YTHDC2: variants seen among roughly 807,000 people sequenced by gnomAD.
The protein encoded by YTHDC2 is YTH N6-methyladenosine RNA binding protein C2, also known as 3'-5' RNA helicase YTHDC2.
A neutral mutation model predicts 174.9 loss-of-function variants in YTHDC2; 45 were observed. The ratio of observed to expected loss-of-function variants is 0.26; its 90% CI spans 0.20 to 0.33. YTHDC2 has a LOEUF of 0.33. Among genes scored for constraint, YTHDC2 ranks in the 10% least tolerant of loss-of-function variants. The probability of loss-of-function intolerance (pLI) is 1.00; values close to 1 mark genes in which losing one functional copy is unlikely to be tolerated. For synonymous variants in YTHDC2, 657 were observed against 574.5 expected (o/e 1.14, Z -2.05); for missense variants, 1,650 against 1,723.7 (o/e 0.96, Z 0.76).
Position 113,591,843 on chromosome 5 carries a change from T to C in YTHDC2, c.4030-153T>C, listed in dbSNP as rs188150696. 5.1e-4 allele frequency among the ~76,000 whole-genome samples: 78 copies of C among 152,286 alleles called. 1 individual carries two copies. The East Asian group carries it at 6.2e-3, about 12-fold the overall frequency. ...CTAAGAGAGCTTTTAATGAAAAATTTAGTAGCTTATTTTTTGTTTTTGTTA... is the reference window on the plus strand; with the variant it reads ...CTAAGAGAGCTTTTAATGAAAAATTCAGTAGCTTATTTTTTGTTTTTGTTA... On this transcript the variant is annotated intron_variant, in intron 27 of 29. Coordinates refer to ENST00000161863, the MANE Select transcript of YTHDC2 (RefSeq NM_022828.5).
chr5:113,576,733 AC>A (rs1386189003), intron 23 of YTHDC2, among the ~76,000 whole-genome samples: 1 of 152,032 alleles, frequency 6.6e-6, no homozygotes, highest in African/African-American at 2.4e-5. Flanking sequence ...TTATTTGGGT[AC>A]TGATATTTTA....
intron 2 of YTHDC2, among the ~76,000 whole-genome samples, chr5:113,519,435 C>A (rs1243553547): frequency 6.6e-6 from 1 of 152,080 alleles, no homozygotes; most frequent in Admixed American, 6.5e-5. Context: ...AAAACAAAAT[C>A]CCATCTCGAT....
chr5:113,561,964 GTGTGTGTGTGTGTGTGT>G (rs1777016775), intron 18 of YTHDC2, among the ~76,000 whole-genome samples: 34 of 90,142 alleles, frequency 3.8e-4, no homozygotes, highest in African/African-American at 1.5e-3. Flanking sequence ...GTGGGTGTGT[GTGTGTGTGTGTGTGTGT>G]GTGTGTGTGT....
chr5:113,517,214 G>A (rs544929019), intron 2 of YTHDC2, among the ~76,000 whole-genome samples: 2 of 152,242 alleles, frequency 1.3e-5, no homozygotes, highest in African/African-American at 4.8e-5. Flanking sequence ...CCTCATGTCA[G>A]TTTAATCACG....
At chr5:113,530,671 T>TA (rs1352624103) in intron 4 of YTHDC2, among the ~76,000 whole-genome samples, 2 of 152,220 alleles carry the variant, frequency 1.3e-5, no homozygotes, top group Non-Finnish European at 2.9e-5. Context: ...TTGTTGCTAT[T>TA]ACTATTTTGA....
At position 113,561,418 on chromosome 5, in the gene YTHDC2, T is replaced by G. The variant is rs1214918340; in HGVS notation, c.2322+233T>G. Among the ~76,000 whole-genome samples, 5 of 151,856 alleles carry G rather than the reference T, an allele frequency of 3.3e-5. 1 individual carries two copies. In the South Asian group the frequency reaches 1.0e-3, roughly 31 times the overall value. Reference sequence around the variant, plus strand: ...TTGAATATTTAAATTATGGTACAGTTTTAAAGGATATATATATATTTTTTA... The same window carrying G: ...TTGAATATTTAAATTATGGTACAGTGTTAAAGGATATATATATATTTTTTA... On this transcript the variant is annotated intron_variant, in intron 18 of 29. Coordinates refer to ENST00000161863, the MANE Select transcript of YTHDC2 (RefSeq NM_022828.5).
chr5:113,576,691 T>G (rs1286074761), intron 23 of YTHDC2, among the ~76,000 whole-genome samples: 1 of 152,190 alleles, frequency 6.6e-6, no homozygotes, highest in Non-Finnish European at 1.5e-5. Context: ...TATTGCCCTT[T>G]AGTTGAGTTG....
At chr5:113,532,826 T>A in intron 4 of YTHDC2, 53 bp from the exon 5 acceptor site, 1 of 1,505,466 alleles carries the variant, frequency 6.6e-7, no homozygotes, top group South Asian at 1.3e-5. Context: ...TCACTTAGAT[T>A]TTTTGTATTA....
intron 18 of YTHDC2, 39 bp downstream of exon 18, chr5:113,561,224 T>G (rs749221719): frequency 2.0e-6 from 3 of 1,489,964 alleles, no homozygotes; most frequent in Non-Finnish European, 9.2e-7. Context: ...TTTTTTTGGG[T>G]GAGGGAAGTG....
chr5:113,515,149 C>T, intron 1 of YTHDC2, 123 bp from the exon 2 acceptor site: 4 of 546,828 alleles, frequency 7.3e-6, no homozygotes, highest in South Asian at 3.5e-5. Flanking sequence ...TAAAGTTAAC[C>T]TCAAATAAAG....
At chr5:113,530,263 C>A (rs748583412) in intron 4 of YTHDC2, among the ~76,000 whole-genome samples, 9 of 152,094 alleles carry the variant, frequency 5.9e-5, no homozygotes, top group Non-Finnish European at 1.2e-4. Flanking sequence ...CCCGACCTCC[C>A]CTACCCAATT....
chr5:113,592,247 T>C (rs777139721), intron 28 of YTHDC2, 69 bp downstream of exon 28: 19 of 1,423,932 alleles, frequency 1.3e-5, no homozygotes, highest in Non-Finnish European at 1.7e-5. Context: ...AGTGCTTTAA[T>C]TGAGGAGAAA....
At chr5:113,535,608 A>T (rs1410596591) in intron 6 of YTHDC2, 34 bp from the exon 7 acceptor site, 3 of 1,547,920 alleles carry the variant, frequency 1.9e-6, no homozygotes, top group Non-Finnish European at 1.7e-6. Context: ...ATAATGTTTT[A>T]ACTGTTCCAT....
chr5:113,521,847 A>G (rs1029884077), intron 2 of YTHDC2, among the ~76,000 whole-genome samples: 2 of 150,734 alleles, frequency 1.3e-5, no homozygotes, highest in African/African-American at 4.9e-5. Context: ...AGAAAAACCC[A>G]GAAAAATAAA....
In YTHDC2 at chr5:113,539,046, G is replaced by C. The variant is rs1775273592; in HGVS notation, c.1103-28G>C. On this transcript the variant is annotated intron_variant, in intron 7 of 29. Transcript: ENST00000161863. Reference sequence around the variant, plus strand: ...GTGAATTTTCTCCAAGATGCAAGTTGAGTATTTAATTTTTTTTTATTATTT... The same window carrying C: ...GTGAATTTTCTCCAAGATGCAAGTTCAGTATTTAATTTTTTTTTATTATTT... The C allele has an allele frequency of 3.7e-6, 4 of 1,090,358 alleles. No individual in the cohort carries two copies. The East Asian group carries it at 1.2e-4, about 32-fold the overall frequency. The allele number at this position is 1,090,358 out of a possible 1,614,324, so 67.5% of individuals were successfully genotyped here.
intron 21 of YTHDC2, among the ~76,000 whole-genome samples, chr5:113,566,885 A>G (rs943651377): frequency 1.3e-5 from 2 of 152,150 alleles, no homozygotes; most frequent in Non-Finnish European, 2.9e-5. Context: ...GAGCAGATCT[A>G]CACTTCCCTA....
At chr5:113,530,523 C>T (rs186486917) in intron 4 of YTHDC2, among the ~76,000 whole-genome samples, 36 of 152,104 alleles carry the variant, frequency 2.4e-4, no homozygotes, top group East Asian at 1.9e-4. Flanking sequence ...ACAGGTAGTG[C>T]GAGTACCTTA....
At chr5:113,530,005 T>C (rs1358665295) in intron 4 of YTHDC2, among the ~76,000 whole-genome samples, 4 of 152,128 alleles carry the variant, frequency 2.6e-5, no homozygotes, top group Admixed American at 2.0e-4. Flanking sequence ...GAGTTGATTA[T>C]AGCTCACTGT....
chr5:113,588,631 A>ATTTATATT (rs1778821030), intron 26 of YTHDC2, among the ~76,000 whole-genome samples: 2 of 138,406 alleles, frequency 1.4e-5, no homozygotes, highest in African/African-American at 5.6e-5. Context: ...TATTTATATT[A>ATTTATATT]TTTTTTTTTG....
Sources: gnomAD v4.1 joint callset for allele counts (sites outside exome capture counted in the v4.1 genomes callset) on GRCh38, gnomAD v4.1.1 for gene constraint, MANE v1.5 for transcripts, NCBI Gene and HGNC (gene_info 2026-07-23, HGNC 2026-07-21) for gene names.